Variants in ABI1 observed in about 807,000 individuals in gnomAD.
The protein encoded by ABI1 is abl interactor 1, also known as Abelson interactor 1.
ABI1 carries 14 observed loss-of-function variants against 54.6 expected under a neutral mutation model. The observed-to-expected ratio is 0.26, with a 90% CI of 0.17 to 0.40. ABI1 has a LOEUF of 0.40. Ranked by LOEUF, ABI1 falls within the 10% of genes least tolerant of loss-of-function variation. ABI1 has a pLI of 1.00. For synonymous variants in ABI1, 194 were observed against 209.3 expected (o/e 0.93, Z 0.63); for missense variants, 443 against 598.3 (o/e 0.74, Z 2.71).
intron 1 of ABI1, among the ~76,000 whole-genome samples, chr10:26,827,061 G>A (rs756374737): frequency 3.7e-4 from 55 of 148,364 alleles, no homozygotes; most frequent in Admixed American, 8.1e-4. Context: ...CTACAGGCAC[G>A]AGCCACCATG....
chr10:26,770,416 A>AT (rs1280926000), intron 4 of ABI1, 71 bp from the exon 5 acceptor site: 32 of 1,347,570 alleles, frequency 2.4e-5, no homozygotes, highest in Middle Eastern at 1.8e-4. Flanking sequence ...ACCATGTATT[A>AT]TTTTTTTTAA....
At chr10:26,778,237 T>C (rs893605759) in intron 2 of ABI1, among the ~76,000 whole-genome samples, 1 of 152,200 alleles carries the variant, frequency 6.6e-6, no homozygotes, top group African/African-American at 2.4e-5. Flanking sequence ...TTTTTTAATT[T>C]AGTTGCCAAC....
intron 1 of ABI1, among the ~76,000 whole-genome samples, chr10:26,836,884 G>T (rs919422994): frequency 6.6e-6 from 1 of 152,100 alleles, no homozygotes; most frequent in African/African-American, 2.4e-5. Flanking sequence ...CTTTTATATG[G>T]GAGGAGAAAG....
At chr10:26,769,946 A>C (rs554663998) in intron 5 of ABI1, among the ~76,000 whole-genome samples, 2 of 152,358 alleles carry the variant, frequency 1.3e-5, no homozygotes, top group South Asian at 2.1e-4. Flanking sequence ...TACTCTAATC[A>C]TTCCATTTAA....
At chr10:26,791,087 A>AAC (rs1564505008) in intron 2 of ABI1, among the ~76,000 whole-genome samples, 27 of 145,260 alleles carry the variant, frequency 1.9e-4, no homozygotes, top group Non-Finnish European at 3.4e-4. Context: ...AAAAAAAAAA[A>AAC]AAAACAGAGC....
At chr10:26,832,396 CACAA>C (rs2048740072) in intron 1 of ABI1, among the ~76,000 whole-genome samples, 3 of 151,978 alleles carry the variant, frequency 2.0e-5, no homozygotes, top group East Asian at 1.9e-4. Context: ...TCCTGGCTAA[CACAA>C]TGAAACCCTA....
chr10:26,810,227 C>T (rs569719224), intron 2 of ABI1, among the ~76,000 whole-genome samples: 3 of 152,044 alleles, frequency 2.0e-5, no homozygotes, highest in African/African-American at 4.8e-5. Flanking sequence ...AATACCAAAC[C>T]CCTAACAGAA....
At chr10:26,781,107 C>T (rs1008898263) in intron 2 of ABI1, among the ~76,000 whole-genome samples, 18 of 152,336 alleles carry the variant, frequency 1.2e-4, no homozygotes, top group South Asian at 4.1e-4. Flanking sequence ...GCACAGATGA[C>T]TTTCCTGACT....
intron 2 of ABI1, among the ~76,000 whole-genome samples, chr10:26,778,807 A>G (rs548993222): frequency 6.6e-6 from 1 of 152,166 alleles, no homozygotes; most frequent in East Asian, 1.9e-4. Context: ...CCAATATAAT[A>G]AAGTTAATGT....
intron 1 of ABI1, among the ~76,000 whole-genome samples, chr10:26,834,393 C>A (rs892187696): frequency 6.6e-6 from 1 of 152,070 alleles, no homozygotes. Context: ...AAAACGACAA[C>A]CCATAGATGG....
intron 7 of ABI1, among the ~76,000 whole-genome samples, chr10:26,760,082 TAA>T (rs200610491): frequency 6.3e-5 from 9 of 141,818 alleles, no homozygotes; most frequent in Admixed American, 1.4e-4. Flanking sequence ...AATCTGCTTT[TAA>T]AAAAAAAAAA....
chr10:26,772,062 A>AT (rs1397133817), intron 3 of ABI1, among the ~76,000 whole-genome samples: 1 of 151,798 alleles, frequency 6.6e-6, no homozygotes, highest in African/African-American at 2.4e-5. Flanking sequence ...ACAAGGCAGT[A>AT]TCAAAGGAAA....
At chr10:26,798,966 C>A (rs912581500) in intron 2 of ABI1, among the ~76,000 whole-genome samples, 5 of 151,650 alleles carry the variant, frequency 3.3e-5, no homozygotes, top group African/African-American at 4.9e-5. Context: ...GGAAGTTAAT[C>A]CAAAAGAAAG....
intron 2 of ABI1, among the ~76,000 whole-genome samples, chr10:26,810,720 G>A (rs980591806): frequency 6.6e-6 from 1 of 151,996 alleles, no homozygotes; most frequent in Non-Finnish European, 1.5e-5. Flanking sequence ...CACAGTTTAC[G>A]GACCCCTGCA....
chr10:26,759,560 T>G (rs1420785630), intron 7 of ABI1, among the ~76,000 whole-genome samples: 2 of 152,192 alleles, frequency 1.3e-5, no homozygotes, highest in Non-Finnish European at 2.9e-5. Context: ...TACATAGCTT[T>G]TATATGTAAA....
chr10:26,776,206 T>C (rs1483049870), intron 3 of ABI1, among the ~76,000 whole-genome samples: 1 of 152,200 alleles, frequency 6.6e-6, no homozygotes, highest in African/African-American at 2.4e-5. Flanking sequence ...AGGTCAATGC[T>C]GTCAGCTATA....
chr10:26,786,478 C>CTA (rs968937144), intron 2 of ABI1, among the ~76,000 whole-genome samples: 5 of 151,972 alleles, frequency 3.3e-5, no homozygotes, highest in African/African-American at 1.2e-4. Context: ...CCTCGGCCTC[C>CTA]TAAAGTGCTG....
rs1375832167 is a variant in ABI1 at position 26,761,661 on chromosome 10, T to TATATATATATAC, written c.821-2424_821-2423insGTATATATATAT. On this transcript the variant is annotated intron_variant, in intron 7 of 10. Coordinates refer to ENST00000376140, the MANE Select transcript of ABI1 (RefSeq NM_001012750.3). ...ATATATATATATATATATATATATA[T>TATATATATATAC]ACACACACACATACACATATATAAC... Among the ~76,000 whole-genome samples the TATATATATATAC allele has an allele frequency of 5.1e-4, 40 of 78,906 alleles. 1 individual carries two copies. Among genetic ancestry groups the TATATATATATAC allele is most frequent in the South Asian group, 1.0e-3 (2 of 1,976 alleles). The allele number at this position is 78,906 out of a possible 152,430, so 51.8% of individuals were successfully genotyped here.
intron 1 of ABI1, among the ~76,000 whole-genome samples, chr10:26,844,849 A>G (rs886392539): frequency 3.9e-5 from 6 of 152,156 alleles, no homozygotes; most frequent in African/African-American, 7.2e-5. Flanking sequence ...TTCCTTTTCA[A>G]TCTTACTACA....
Sources: allele counts gnomAD v4.1 joint callset (sites outside exome capture counted in the v4.1 genomes callset), GRCh38; gene constraint gnomAD v4.1.1; transcripts MANE v1.5; gene names NCBI Gene and HGNC (gene_info 2026-07-23, HGNC 2026-07-21).